The following UNC5D variants were observed in gnomAD, a reference collection of about 807,000 sequenced individuals.
UNC5D encodes netrin receptor UNC5D.
UNC5D carries 39 observed loss-of-function variants against 105.4 expected under a neutral mutation model. The ratio of observed to expected loss-of-function variants is 0.37; its 90% CI spans 0.29 to 0.48. UNC5D has a LOEUF of 0.48. Among genes scored for constraint, UNC5D ranks in the 20% least tolerant of loss-of-function variants. The pLI is 0.98. For synonymous variants in UNC5D, 452 were observed against 450.4 expected (o/e 1.00, Z -0.04); for missense variants, 991 against 1,202.4 (o/e 0.82, Z 2.60).
chr8:35,742,765 A>G (rs369462059), intron 11 of UNC5D, among the ~76,000 whole-genome samples: 152 of 152,308 alleles, frequency 1.0e-3, no homozygotes, highest in African/African-American at 3.5e-3. Flanking sequence ...CCATCCTGCC[A>G]TGGTTATTAG....
chr8:35,611,857 A>C (rs1345185461), intron 4 of UNC5D, among the ~76,000 whole-genome samples: 1 of 152,234 alleles, frequency 6.6e-6, no homozygotes, highest in Non-Finnish European at 1.5e-5. Context: ...TCTTTCATAA[A>C]AGTTAGAAAT....
intron 4 of UNC5D, among the ~76,000 whole-genome samples, chr8:35,601,281 G>A (rs1177471791): frequency 1.3e-5 from 2 of 152,020 alleles, no homozygotes; most frequent in Non-Finnish European, 2.9e-5. Flanking sequence ...TTGGCAATGT[G>A]GGCTCTTTTT....
intron 4 of UNC5D, among the ~76,000 whole-genome samples, chr8:35,637,959 G>T (rs1236449988): frequency 6.6e-6 from 1 of 152,058 alleles, no homozygotes; most frequent in Non-Finnish European, 1.5e-5. Context: ...TCTGATTCTG[G>T]ACTAGCTGTC....
chr8:35,719,538 C>T (rs1333552139), intron 8 of UNC5D, among the ~76,000 whole-genome samples: 1 of 152,128 alleles, frequency 6.6e-6, no homozygotes, highest in East Asian at 1.9e-4. Context: ...TTTGAGGACT[C>T]GTGTATACCT....
intron 1 of UNC5D, among the ~76,000 whole-genome samples, chr8:35,345,255 T>G (rs1340114134): frequency 6.6e-6 from 1 of 152,038 alleles, no homozygotes; most frequent in African/African-American, 2.4e-5. Flanking sequence ...TGTGTCTTCA[T>G]TTAATGATTT....
chr8:35,528,883 T>G (rs1203819594), intron 1 of UNC5D, among the ~76,000 whole-genome samples: 1,035 of 107,126 alleles, frequency 9.7e-3, no homozygotes, highest in African/African-American at 0.024. Flanking sequence ...TCGCCCACTT[T>G]TTGATGGGGT....
intron 4 of UNC5D, among the ~76,000 whole-genome samples, chr8:35,621,592 T>C (rs2978575): frequency 0.31 from 46,902 of 151,944 alleles, 12,237 homozygotes; most frequent in African/African-American, 0.72. Flanking sequence ...AGTTGTAGAA[T>C]CTGCACCGTG....
chr8:35,777,436 ACCT>A (rs1190265973), intron 16 of UNC5D, among the ~76,000 whole-genome samples: 6 of 151,968 alleles, frequency 3.9e-5, no homozygotes, highest in Non-Finnish European at 1.5e-5. Flanking sequence ...TAAATGAAAA[ACCT>A]CATACAGTTA....
At chr8:35,713,889 C>T (rs1828104977) in intron 8 of UNC5D, among the ~76,000 whole-genome samples, 1 of 152,130 alleles carries the variant, frequency 6.6e-6, no homozygotes, top group Non-Finnish European at 1.5e-5. Flanking sequence ...AGTGGGTAAA[C>T]AGCATGAACT....
At chr8:35,383,717 T>A (rs1330026426) in intron 1 of UNC5D, among the ~76,000 whole-genome samples, 1 of 152,190 alleles carries the variant, frequency 6.6e-6, no homozygotes, top group African/African-American at 2.4e-5. Flanking sequence ...TGTATGACCT[T>A]GTTTTATTGT....
intron 4 of UNC5D, among the ~76,000 whole-genome samples, chr8:35,619,215 G>A (rs1307605256): frequency 6.6e-6 from 1 of 152,176 alleles, no homozygotes; most frequent in Non-Finnish European, 1.5e-5. Context: ...GATAACTTCT[G>A]TTGGCCAGGG....
intron 1 of UNC5D, among the ~76,000 whole-genome samples, chr8:35,470,795 T>TAAAC (rs764384364): frequency 5.6e-5 from 2 of 35,464 alleles, no homozygotes; most frequent in Admixed American, 1.8e-4. Flanking sequence ...AATAAATAAA[T>TAAAC]AAATAAATAA....
chr8:35,336,353 C>T (rs1461747492), intron 1 of UNC5D, among the ~76,000 whole-genome samples: 1 of 152,172 alleles, frequency 6.6e-6, no homozygotes, highest in African/African-American at 2.4e-5. Context: ...ATTTTTGTGA[C>T]AGATTACATG....
chr8:35,382,790 A>G (rs1421968676), intron 1 of UNC5D, among the ~76,000 whole-genome samples: 1 of 152,210 alleles, frequency 6.6e-6, no homozygotes, highest in East Asian at 1.9e-4. Context: ...GAGATTCTGC[A>G]TGCCCCTGGA....
intron 3 of UNC5D, among the ~76,000 whole-genome samples, chr8:35,590,713 T>C (rs746570301): frequency 6.6e-6 from 1 of 152,150 alleles, no homozygotes; most frequent in African/African-American, 2.4e-5. Flanking sequence ...AATGTATGTG[T>C]ATTATTATCC....
intron 1 of UNC5D, among the ~76,000 whole-genome samples, chr8:35,361,999 G>T (rs1801881699): frequency 6.6e-6 from 1 of 151,992 alleles, no homozygotes; most frequent in Non-Finnish European, 1.5e-5. Flanking sequence ...GCAATTAGTG[G>T]CAAATAAAAT....
chr8:35,513,790 G>A (rs890321900), intron 1 of UNC5D, among the ~76,000 whole-genome samples: 1 of 152,172 alleles, frequency 6.6e-6, no homozygotes, highest in Non-Finnish European at 1.5e-5. Context: ...TGTTGAATGG[G>A]AATGATGTGT....
chr8:35,707,634 C>CA (rs1429264865), intron 8 of UNC5D, among the ~76,000 whole-genome samples: 1 of 152,054 alleles, frequency 6.6e-6, no homozygotes, highest in Non-Finnish European at 1.5e-5. Context: ...TCATATAGCA[C>CA]AAAAAAGATC....
At chr8:35,315,982 G>A (rs982125124) in intron 1 of UNC5D, among the ~76,000 whole-genome samples, 7 of 152,136 alleles carry the variant, frequency 4.6e-5, no homozygotes, top group Non-Finnish European at 8.8e-5. Context: ...TTATCAGAAG[G>A]CTGACATGAT....
Sources: allele counts gnomAD v4.1 joint callset (sites outside exome capture counted in the v4.1 genomes callset), GRCh38; gene constraint gnomAD v4.1.1; transcripts MANE v1.5; gene names NCBI Gene and HGNC (gene_info 2026-07-23, HGNC 2026-07-21).